SLC37A3: variants seen among roughly 807,000 people sequenced by gnomAD.
SLC37A3 encodes the protein solute carrier family 37 member 3, also known as sugar phosphate exchanger 3.
A neutral mutation model predicts 67.1 loss-of-function variants in SLC37A3; 51 were observed. That is an observed-to-expected ratio of 0.76 (90% CI 0.61 to 0.96). SLC37A3 has a LOEUF of 0.96. Among genes scored for constraint, SLC37A3 ranks in the 40% least tolerant of loss-of-function variants. The pLI, the probability that SLC37A3 is intolerant of heterozygous loss-of-function variation, is 0.00. For missense variants in SLC37A3, 508 were observed against 603.0 expected (o/e 0.84, Z 1.65); for synonymous variants, 214 against 231.4 (o/e 0.92, Z 0.68).
chr7:140,355,681 TG>T lies in SLC37A3; in HGVS notation c.604del (p.Gln202SerfsTer10). ...LGACLASSVL[Q>X]YGYEYAFLVT... The stretch of plus-strand genomic sequence containing the variant: ...AACAATACCTACCTCATAACCATAC[TG>T]AAGAACAGAAGAAGCTAGGCACGCT... On this transcript the variant is annotated frameshift_variant, in exon 7 of 15. Transcript: ENST00000326232. LOFTEE classifies it high-confidence loss of function. 1 of 1,613,622 alleles carries T rather than the reference TG, an allele frequency of 6.2e-7. No homozygotes were observed. The highest frequency in any genetic ancestry group is 1.1e-5 in the South Asian group (1 of 91,056).
At chr7:140,392,834 G>A (rs1798772374) in intron 1 of SLC37A3, among the ~76,000 whole-genome samples, 1 of 152,128 alleles carries the variant, frequency 6.6e-6, no homozygotes, top group South Asian at 2.1e-4. Flanking sequence ...GCTCACACCT[G>A]TAATCTCAGC....
At chr7:140,359,715 T>C (rs991322659) in intron 5 of SLC37A3, among the ~76,000 whole-genome samples, 2 of 152,224 alleles carry the variant, frequency 1.3e-5, no homozygotes, top group African/African-American at 4.8e-5. Flanking sequence ...AAAAATAGTA[T>C]GTATAATACT....
intron 1 of SLC37A3, among the ~76,000 whole-genome samples, chr7:140,395,025 A>G (rs1798863037): frequency 6.6e-6 from 1 of 152,136 alleles, no homozygotes; most frequent in Admixed American, 6.6e-5. Flanking sequence ...TAAAATAGAA[A>G]ATACTCCAAG....
rs966387750 is a variant in SLC37A3, at chr7:140,380,271, G to A, written c.198+11C>T. The A allele has an allele frequency of 1.3e-6, 2 of 1,572,328 alleles. No individual in the cohort carries two copies. The highest frequency in any genetic ancestry group is 2.7e-5 in the African/African-American group (2 of 74,298). On this transcript the variant is annotated intron_variant, in intron 3 of 14. Transcript: ENST00000326232. ...CTACTTCGATCCATCCCAGCACTCT[G>A]TTCTGCTTACCTCCACAGGCAGCTC...
intron 9 of SLC37A3, among the ~76,000 whole-genome samples, chr7:140,349,321 A>G (rs1489282784): frequency 6.6e-6 from 1 of 152,204 alleles, no homozygotes; most frequent in Non-Finnish European, 1.5e-5. Flanking sequence ...AATTCCTTTC[A>G]CACTAGTTTT....
chr7:140,364,301 G>A lies in SLC37A3; in HGVS notation c.375+107C>T, dbSNP rs1217431946. On this transcript the variant is annotated intron_variant, in intron 5 of 14. Transcript: ENST00000326232. Reference sequence around the variant, plus strand: ...AAGTGAAAAGGCAAATGAGGGATTCGAACAATGAGGATTAATCTTACTATT... The same window carrying A: ...AAGTGAAAAGGCAAATGAGGGATTCAAACAATGAGGATTAATCTTACTATT... 26 of 1,048,874 alleles carry A rather than the reference G, an allele frequency of 2.5e-5. 1 individual carries two copies. The highest frequency in any genetic ancestry group is 3.2e-5 in the Non-Finnish European group (24 of 741,960). 65.0% of individuals were successfully genotyped at this position (1,048,874 alleles called of 1,614,324 possible).
chr7:140,387,187 A>C (rs1003480034), intron 1 of SLC37A3, among the ~76,000 whole-genome samples: 11 of 152,002 alleles, frequency 7.2e-5, no homozygotes, highest in African/African-American at 2.4e-4. Context: ...GGTAGGGCAC[A>C]GTGGCTCACA....
In SLC37A3 at chr7:140,351,332, C is replaced by A. The variant is rs765119152; in HGVS notation, c.823G>T (p.Val275Phe). 6.2e-7 allele frequency: 1 copy of A among 1,614,172 alleles called. No individual in the cohort carries two copies. The highest frequency in any genetic ancestry group is 8.5e-7 in the Non-Finnish European group (1 of 1,180,018). Residue 275 changes from valine to phenylalanine, a missense_variant, in exon 9 of 15, where the codon GTT (valine) becomes TTT (phenylalanine). By Grantham distance (50) the Val-to-Phe change is conservative (BLOSUM62 -1). Transcript: ENST00000326232. The stretch of plus-strand genomic sequence containing the variant: ...AAGCTTATCGCCTTGACTTGGGCAA[C>A]AGAACTATCATCTTGGATTGAATAA... Reference protein sequence around the residue: ...PNYSIQDDSSVAQVKAISFYQ... With the variant: ...PNYSIQDDSSFAQVKAISFYQ...
intron 1 of SLC37A3, among the ~76,000 whole-genome samples, chr7:140,391,117 A>T (rs1798710391): frequency 6.6e-6 from 1 of 152,164 alleles, no homozygotes; most frequent in Non-Finnish European, 1.5e-5. Context: ...CAGCGATTTC[A>T]CACTTCTCTT....
At position 140,334,937 on chromosome 7, in the gene SLC37A3, C is replaced by G; in HGVS notation, c.*475G>C. 3.0e-6 allele frequency: 1 copy of G among 333,990 alleles called. No homozygotes were observed. The highest frequency in any genetic ancestry group is 7.3e-5 in the East Asian group (1 of 13,634). 20.7% of individuals were successfully genotyped at this position (333,990 alleles called of 1,614,324 possible). ...TTGAGCATTTGATCAGGATTTGATGCTTCAAAGATGACCCACTCTCTGTAA... is the reference window on the plus strand; with the variant it reads ...TTGAGCATTTGATCAGGATTTGATGGTTCAAAGATGACCCACTCTCTGTAA... On this transcript the variant is annotated 3_prime_UTR_variant, in exon 15 of 15. Coordinates refer to ENST00000326232, the MANE Select transcript of SLC37A3 (RefSeq NM_207113.3).
chr7:140,337,118 AAG>A (rs1197901376), intron 14 of SLC37A3, among the ~76,000 whole-genome samples, 164 bp downstream of exon 14: 113 of 129,822 alleles, frequency 8.7e-4, no homozygotes, highest in African/African-American at 3.6e-3. Context: ...AAAAAAAAAA[AAG>A]AAGAAGAAGA....
chr7:140,378,666 G>A (rs1441662077), intron 3 of SLC37A3, among the ~76,000 whole-genome samples: 1 of 151,618 alleles, frequency 6.6e-6, no homozygotes, highest in Non-Finnish European at 1.5e-5. Flanking sequence ...GAACCCGGGA[G>A]GCGGATGTTG....
chr7:140,358,603 T>C (rs756535289), intron 6 of SLC37A3, 37 bp downstream of exon 6: 3 of 1,612,964 alleles, frequency 1.9e-6, no homozygotes, highest in Admixed American at 1.7e-5. Context: ...TGGAAACCAC[T>C]TAAACAGAGA....
At chr7:140,335,620 A>G in intron 14 of SLC37A3, 116 bp from the exon 15 acceptor site, 1 of 1,240,694 alleles carries the variant, frequency 8.1e-7, no homozygotes, top group Non-Finnish European at 1.1e-6. Context: ...TCATACAAAG[A>G]TAATGTTTAA....
chr7:140,355,653 G>T lies in SLC37A3; in HGVS notation c.618+15C>A. 1 of 1,609,302 alleles carries T rather than the reference G, an allele frequency of 6.2e-7. No individual in the cohort carries two copies. The highest frequency in any genetic ancestry group is 8.5e-7 in the Non-Finnish European group (1 of 1,176,164). Reference sequence around the variant, plus strand: ...AGAGAGAGAGAGAGCACCAGAGCTAGAAAACAATACCTACCTCATAACCAT... The same window carrying T: ...AGAGAGAGAGAGAGCACCAGAGCTATAAAACAATACCTACCTCATAACCAT... On this transcript the variant is annotated intron_variant, in intron 7 of 14. Transcript: ENST00000326232.
Position 140,382,514 on chromosome 7 carries a change from T to C in SLC37A3, c.13A>G (p.Asn5Asp), listed in dbSNP as rs758985820. 1.9e-6 allele frequency: 3 copies of C among 1,614,098 alleles called. No individual in the cohort carries two copies. The highest frequency in any genetic ancestry group is 1.7e-6 in the Non-Finnish European group (2 of 1,179,982). The change falls in exon 2 of 15, where the codon AAT (asparagine) becomes GAT (aspartate). Residue 5 changes from asparagine to aspartate, a missense_variant. Coordinates refer to ENST00000326232, the MANE Select transcript of SLC37A3 (RefSeq NM_207113.3). MAWPNVFQRGSLLSQ... is the reference protein window; with the variant it reads MAWPDVFQRGSLLSQ... Reference sequence around the variant, plus strand: ...AGCAGAGACCCTCTTTGAAAAACATTTGGCCAGGCCATGTTCTTCCTGACC... The same window carrying C: ...AGCAGAGACCCTCTTTGAAAAACATCTGGCCAGGCCATGTTCTTCCTGACC...
At chr7:140,369,120 G>A (rs1422851806) in intron 4 of SLC37A3, among the ~76,000 whole-genome samples, 8 of 152,074 alleles carry the variant, frequency 5.3e-5, no homozygotes, top group African/African-American at 1.9e-4. Flanking sequence ...TTGCAGCTCT[G>A]ATCCAAGCAC....
intron 4 of SLC37A3, among the ~76,000 whole-genome samples, chr7:140,366,053 G>T (rs6976805): frequency 0.55 from 82,358 of 148,600 alleles, 22,670 homozygotes; most frequent in South Asian, 0.64. Context: ...TTCTCCTGCC[G>T]TAGCCTCCCG....
rs574484077 is a variant in SLC37A3, at chr7:140,393,706, C to T, written c.-71+4710G>A. 4.6e-5 allele frequency among the ~76,000 whole-genome samples: 7 copies of T among 152,312 alleles called. No homozygotes were observed. The East Asian group carries it at 7.7e-4, about 17-fold the overall frequency. ...AAATGGTCTCCCCTGGTTACTACCTCTCTCATCTCTTTCGCCATTTCTTTC... is the reference window on the plus strand; with the variant it reads ...AAATGGTCTCCCCTGGTTACTACCTTTCTCATCTCTTTCGCCATTTCTTTC... On this transcript the variant is annotated intron_variant, in intron 1 of 14. Coordinates refer to ENST00000326232, the MANE Select transcript of SLC37A3 (RefSeq NM_207113.3).
Sources: gnomAD v4.1 joint callset for allele counts (sites outside exome capture counted in the v4.1 genomes callset) on GRCh38, gnomAD v4.1.1 for gene constraint, MANE v1.5 for transcripts, NCBI Gene and HGNC (gene_info 2026-07-23, HGNC 2026-07-21) for gene names.